The following HCRTR2 variants were observed in gnomAD, a reference collection of about 807,000 sequenced individuals.
The protein encoded by HCRTR2 is orexin receptor type 2.
Under a neutral mutation model 49.0 loss-of-function variants are expected in HCRTR2, and 22 were observed. That is an observed-to-expected ratio of 0.45 (90% confidence interval 0.32 to 0.64). The LOEUF is 0.64. Among genes scored for constraint, HCRTR2 ranks in the 30% least tolerant of loss-of-function variants. The pLI, the probability that HCRTR2 is intolerant of heterozygous loss-of-function variation, is 0.04. For missense variants in HCRTR2, 491 were observed against 559.4 expected, an observed-to-expected ratio of 0.88 and a Z score of 1.23; for synonymous variants, 236 against 205.3, an observed-to-expected ratio of 1.15 and a Z score of -1.28.
chr6:55,231,442 C>A (rs1341792973), intron 1 of HCRTR2, among the ~76,000 whole-genome samples: 2 of 152,090 alleles, frequency 1.3e-5, no homozygotes, highest in African/African-American at 2.4e-5. Context: ...GAATAACCCA[C>A]TTTATTTAAC....
intron 1 of HCRTR2, among the ~76,000 whole-genome samples, chr6:55,164,594 G>A (rs961144022): frequency 6.6e-6 from 1 of 152,028 alleles, no homozygotes; most frequent in East Asian, 1.9e-4. Flanking sequence ...TGGACACAGG[G>A]AGGGGAACAT....
rs1378218011 is a variant in HCRTR2, at chr6:55,199,839, A to T, written c.223+25029A>T. ...TGCATGAAGGAAATGAAAAATATAT[A>T]AGGGAAGGATTTAATCAGTCAGGCA... is the stretch of plus-strand genomic sequence containing the variant. On this transcript the variant is annotated intron_variant, in intron 1 of 6. Coordinates refer to ENST00000370862, the MANE Select transcript of HCRTR2 (RefSeq NM_001384272.1). Among the ~76,000 whole-genome samples, 6 of 152,240 alleles carry T rather than the reference A, an allele frequency of 3.9e-5. No homozygotes were observed. The South Asian group carries it at 1.0e-3, about 26-fold the overall frequency.
At chr6:55,119,497 C>T (rs1764165841) in intron 1 of HCRTR2, among the ~76,000 whole-genome samples, 1 of 152,114 alleles carries the variant, frequency 6.6e-6, no homozygotes, top group South Asian at 2.1e-4. Context: ...GATGGTATCT[C>T]ACTGTGGTTT....
chr6:55,163,958 G>T (rs1000858056), intron 1 of HCRTR2, among the ~76,000 whole-genome samples: 2 of 152,116 alleles, frequency 1.3e-5, no homozygotes. Flanking sequence ...CAAAAAGTGG[G>T]TGAAGGATGT....
intron 1 of HCRTR2, among the ~76,000 whole-genome samples, chr6:55,125,469 T>A (rs1275872625): frequency 6.6e-6 from 1 of 152,246 alleles, no homozygotes; most frequent in East Asian, 1.9e-4. Context: ...GTAGGGTTTC[T>A]GCAGGGAGAT....
In HCRTR2 at chr6:55,109,849, C is replaced by T. The variant is rs185517501; in HGVS notation, c.-378+3304C>T. On this transcript the variant is annotated intron_variant, in intron 1 of 7. Transcript: ENST00000615358. ...TGGAGGTGCTAGAGACCTAAACATT[C>T]GAATACAAGAAGCTCAAAGAACATC... Among the ~76,000 whole-genome samples the T allele has an allele frequency of 1.4e-4, 21 of 152,034 alleles. No individual in the cohort carries two copies. In the South Asian group the frequency reaches 1.9e-3, roughly 14 times the overall value.
intron 1 of HCRTR2, among the ~76,000 whole-genome samples, chr6:55,192,411 G>GTGCACACA (rs1554171104): frequency 2.2e-5 from 1 of 44,692 alleles, no homozygotes; most frequent in African/African-American, 8.9e-5. Flanking sequence ...ACGCGCGCGC[G>GTGCACACA]CGCACACACA....
chr6:55,117,753 C>T (rs1209923040), intron 1 of HCRTR2, among the ~76,000 whole-genome samples: 2 of 121,312 alleles, frequency 1.6e-5, no homozygotes, highest in African/African-American at 3.1e-5. Context: ...TTTTAGCCAA[C>T]ATGCTGCACC....
chr6:55,128,254 G>A (rs558542135), intron 1 of HCRTR2, among the ~76,000 whole-genome samples: 23 of 152,138 alleles, frequency 1.5e-4, no homozygotes, highest in African/African-American at 4.6e-4. Flanking sequence ...TTATTTCTGG[G>A]TTCTCTATTC....
intron 3 of HCRTR2, among the ~76,000 whole-genome samples, chr6:55,258,295 A>G (rs1271012855): frequency 6.6e-6 from 1 of 152,190 alleles, no homozygotes; most frequent in Non-Finnish European, 1.5e-5. Flanking sequence ...AAAAGTAGAG[A>G]GTAGAATCAT....
chr6:55,174,496 C>A, upstream of HCRTR2: 1 of 1,094,032 alleles, frequency 9.1e-7, no homozygotes, highest in Non-Finnish European at 1.4e-6. Context: ...TCTAGCCTCT[C>A]CGCGCAGCCT....
intron 1 of HCRTR2, among the ~76,000 whole-genome samples, chr6:55,216,365 C>T (rs1338380100): frequency 2.0e-5 from 3 of 152,172 alleles, no homozygotes; most frequent in Non-Finnish European, 4.4e-5. Flanking sequence ...CTAGCACCAA[C>T]TCTAAAATAC....
chr6:55,193,325 T>C (rs895881116), intron 1 of HCRTR2, among the ~76,000 whole-genome samples: 2 of 152,042 alleles, frequency 1.3e-5, no homozygotes, highest in African/African-American at 2.4e-5. Flanking sequence ...ATATATAACA[T>C]TTGCTTAATG....
chr6:55,206,387 T>G (rs1387583047), intron 1 of HCRTR2, among the ~76,000 whole-genome samples: 1 of 152,114 alleles, frequency 6.6e-6, no homozygotes, highest in African/African-American at 2.4e-5. Flanking sequence ...CTGAGAAATT[T>G]CTTCGTCTCC....
intron 3 of HCRTR2, among the ~76,000 whole-genome samples, chr6:55,262,539 TATA>T (rs1329822201): frequency 1.5e-5 from 2 of 132,050 alleles, no homozygotes; most frequent in African/African-American, 2.8e-5. Context: ...ATATATATAA[TATA>T]ATATAACTTA....
chr6:55,279,751 A>C (rs2127333604), intron 5 of HCRTR2, among the ~76,000 whole-genome samples: 1 of 152,222 alleles, frequency 6.6e-6, no homozygotes, highest in African/African-American at 2.4e-5. Context: ...AGTTTAAAAT[A>C]ATACATGAAA....
upstream of HCRTR2, among the ~76,000 whole-genome samples, chr6:55,173,431 A>C (rs537094004): frequency 6.6e-6 from 1 of 152,326 alleles, no homozygotes; most frequent in South Asian, 2.1e-4. Context: ...TAATTACTTA[A>C]ATGCAATATT....
upstream of HCRTR2, among the ~76,000 whole-genome samples, chr6:55,171,726 C>A (rs1764952510): frequency 1.3e-5 from 2 of 152,042 alleles, no homozygotes. Context: ...AGGATAAAAT[C>A]TTGAAAATAT....
At chr6:55,239,914 A>G (rs908052103) in intron 1 of HCRTR2, among the ~76,000 whole-genome samples, 1 of 150,638 alleles carries the variant, frequency 6.6e-6, no homozygotes, top group Admixed American at 6.6e-5. Context: ...AGTAGCTGGG[A>G]TTACAGGCGC....
Sources: gnomAD v4.1 joint callset for allele counts (sites outside exome capture counted in the v4.1 genomes callset) on GRCh38, gnomAD v4.1.1 for gene constraint, MANE v1.5 for transcripts, NCBI Gene and HGNC (gene_info 2026-07-23, HGNC 2026-07-21) for gene names.